PRKCE: variants seen among roughly 807,000 people sequenced by gnomAD.
PRKCE encodes the protein protein kinase C epsilon.
Under a neutral mutation model 85.4 loss-of-function variants are expected in PRKCE, and 16 were observed. That is an observed-to-expected ratio of 0.19 (90% confidence interval 0.13 to 0.28). The LOEUF is 0.28. PRKCE is among the 10% of genes least tolerant of loss of function. The pLI is 1.00. For missense variants in PRKCE, 573 were observed against 975.2 expected (o/e 0.59, Z 5.49); for synonymous variants, 388 against 371.5 (o/e 1.04, Z -0.51).
At chr2:45,851,009 G>A (rs1345951541) in intron 2 of PRKCE, among the ~76,000 whole-genome samples, 2 of 152,370 alleles carry the variant, frequency 1.3e-5, no homozygotes, top group East Asian at 3.9e-4. Flanking sequence ...TGCTTTAGCT[G>A]TTGGGTAGCT....
intron 6 of PRKCE, among the ~76,000 whole-genome samples, chr2:45,990,073 T>TA (rs1703667194): frequency 6.6e-6 from 1 of 152,178 alleles, no homozygotes; most frequent in South Asian, 2.1e-4. Context: ...AAACAACCAA[T>TA]ACTTATTTTC....
At chr2:45,768,545 G>A (rs1685083742) in intron 1 of PRKCE, among the ~76,000 whole-genome samples, 1 of 152,174 alleles carries the variant, frequency 6.6e-6, no homozygotes, top group Non-Finnish European at 1.5e-5. Context: ...GGCTCGATGG[G>A]TAGGGGAGAG....
chr2:45,670,639 G>A (rs1676115558), intron 1 of PRKCE, among the ~76,000 whole-genome samples: 1 of 152,138 alleles, frequency 6.6e-6, no homozygotes, highest in African/African-American at 2.4e-5. Context: ...GTAACATGGA[G>A]AAAAGAAAGT....
At chr2:46,140,330 G>C (rs1675391386) in intron 11 of PRKCE, among the ~76,000 whole-genome samples, 1 of 152,124 alleles carries the variant, frequency 6.6e-6, no homozygotes, top group African/African-American at 2.4e-5. Context: ...GTGTGGTATA[G>C]AGTGACGTTA....
intron 1 of PRKCE, among the ~76,000 whole-genome samples, chr2:45,811,062 A>T (rs932755959): frequency 3.3e-5 from 5 of 152,200 alleles, no homozygotes; most frequent in African/African-American, 1.2e-4. Flanking sequence ...TTTGTATCCT[A>T]TGGCGAGATT....
intron 6 of PRKCE, among the ~76,000 whole-genome samples, chr2:45,993,966 G>A (rs1704020614): frequency 6.6e-6 from 1 of 151,970 alleles, no homozygotes; most frequent in South Asian, 2.1e-4. Context: ...TTAGCCCAAT[G>A]GGCATCTTGG....
chr2:45,945,256 A>G (rs897773794), intron 2 of PRKCE, among the ~76,000 whole-genome samples: 3 of 152,164 alleles, frequency 2.0e-5, no homozygotes, highest in African/African-American at 7.2e-5. Flanking sequence ...CAGGCTGTAC[A>G]AGCATGGCAC....
At chr2:46,156,576 C>T (rs547081084) in intron 13 of PRKCE, among the ~76,000 whole-genome samples, 1 of 152,348 alleles carries the variant, frequency 6.6e-6, no homozygotes, top group East Asian at 1.9e-4. Context: ...CTAGGCAAGG[C>T]ATTCAGCGAG....
chr2:46,053,934 C>T (rs35060504), intron 10 of PRKCE, among the ~76,000 whole-genome samples: 20,541 of 152,098 alleles, frequency 0.14, 1,507 homozygotes, highest in African/African-American at 0.18. Flanking sequence ...TTTTTAGGAG[C>T]CGCCATACTG....
intron 10 of PRKCE, among the ~76,000 whole-genome samples, chr2:46,044,174 C>G (rs1708379739): frequency 6.6e-6 from 1 of 152,190 alleles, no homozygotes; most frequent in African/African-American, 2.4e-5. Flanking sequence ...AAGAAGATTA[C>G]AAGAGAAGAG....
At chr2:45,941,065 T>TAAAAAAAAAAAAAAAAAAAAAAAAAAA (rs397781944) in intron 2 of PRKCE, among the ~76,000 whole-genome samples, 36 of 67,152 alleles carry the variant, frequency 5.4e-4, no homozygotes, top group Middle Eastern at 7.1e-3. Flanking sequence ...GACTTCATCC[T>TAAAAAAAAAAAAAAAAAAAAAAAAAAA]AAAAAAAAAA....
chr2:45,914,748 G>T (rs919105462), intron 2 of PRKCE, among the ~76,000 whole-genome samples: 4 of 152,146 alleles, frequency 2.6e-5, no homozygotes, highest in Non-Finnish European at 5.9e-5. Context: ...ATCAAGTGTT[G>T]CTTTTATTGG....
At chr2:46,071,472 A>G (rs1668078465) in intron 10 of PRKCE, among the ~76,000 whole-genome samples, 1 of 152,220 alleles carries the variant, frequency 6.6e-6, no homozygotes, top group African/African-American at 2.4e-5. Flanking sequence ...GGAAACCAGC[A>G]TTTCCTTTTG....
intron 1 of PRKCE, among the ~76,000 whole-genome samples, chr2:45,689,642 G>A (rs1021209058): frequency 2.0e-5 from 3 of 151,954 alleles, no homozygotes; most frequent in African/African-American, 7.2e-5. Context: ...AGGTGTGGTG[G>A]CTCACTTCTG....
At chr2:46,069,439 A>G (rs994198155) in intron 10 of PRKCE, among the ~76,000 whole-genome samples, 1 of 152,232 alleles carries the variant, frequency 6.6e-6, no homozygotes, top group African/African-American at 2.4e-5. Flanking sequence ...AAATACTCCA[A>G]TCAACAATAA....
At chr2:45,913,781 CT>C (rs1697552343) in intron 2 of PRKCE, among the ~76,000 whole-genome samples, 4 of 152,338 alleles carry the variant, frequency 2.6e-5, no homozygotes, top group African/African-American at 7.2e-5. Flanking sequence ...ATCCAGGTGT[CT>C]AGTGTGTAGT....
At chr2:46,136,550 C>T (rs1409146226) in intron 11 of PRKCE, among the ~76,000 whole-genome samples, 2 of 152,202 alleles carry the variant, frequency 1.3e-5, no homozygotes, top group Non-Finnish European at 2.9e-5. Flanking sequence ...TACTCACCCC[C>T]ACCCCACCTT....
rs1432043741 is a variant in PRKCE at position 46,155,828 on chromosome 2, G to A, written c.1921-3778G>A. On this transcript the variant is annotated intron_variant, in intron 13 of 14. Transcript: ENST00000306156. The surrounding 1 kb of genome is among the most constrained non-coding windows in gnomAD (Gnocchi z 4.7). ...CACTATCCCCATTGGAGCCACCACC[G>A]CCTCTCCCTTGGTGAACTGCAGGAC... 3.3e-5 allele frequency among the ~76,000 whole-genome samples: 5 copies of A among 151,930 alleles called. No homozygotes were observed. Among genetic ancestry groups the A allele is most frequent in the South Asian group, 2.1e-4 (1 of 4,818 alleles).
At chr2:46,085,736 G>GTTTTTTTTTTTGTTTTTTT (rs1669546446) in intron 10 of PRKCE, among the ~76,000 whole-genome samples, 1 of 104,564 alleles carries the variant, frequency 9.6e-6, no homozygotes. Context: ...TGCAAAATCC[G>GTTTTTTTTTTTGTTTTTTT]TTTTTTTTTT....
Sources: allele counts gnomAD v4.1 joint callset (sites outside exome capture counted in the v4.1 genomes callset), GRCh38; gene constraint gnomAD v4.1.1; non-coding constraint Gnocchi (gnomAD v3.1); transcripts MANE v1.5; gene names NCBI Gene and HGNC (gene_info 2026-07-23, HGNC 2026-07-21).